The following CNTN4 variants were observed in gnomAD, a reference collection of about 807,000 sequenced individuals.
CNTN4 encodes contactin-4.
A neutral mutation model predicts 122.5 loss-of-function variants in CNTN4; 77 were observed. The observed-to-expected ratio is 0.63, with a 90% CI of 0.52 to 0.76. The LOEUF (loss-of-function observed/expected upper bound fraction) is 0.76, where lower values mean the gene tolerates loss of function less well. Ranked by LOEUF, CNTN4 falls within the 30% of genes least tolerant of loss-of-function variation. CNTN4 has a pLI of 0.00. For synonymous variants in CNTN4, 512 were observed against 447.0 expected (o/e 1.15, Z -1.83); for missense variants, 1,256 against 1,259.1 (o/e 1.00, Z 0.04).
At chr3:2,776,448 G>C in intron 6 of CNTN4, among the ~76,000 whole-genome samples, 1 of 152,070 alleles carries the variant, frequency 6.6e-6, no homozygotes, top group East Asian at 1.9e-4. Context: ...CAGGAATAAG[G>C]AAATAAGGTA....
At chr3:2,438,658 C>A (rs1335691495) in intron 3 of CNTN4, among the ~76,000 whole-genome samples, 1 of 152,198 alleles carries the variant, frequency 6.6e-6, no homozygotes, top group Admixed American at 6.5e-5. Context: ...AAATAACAGG[C>A]AGAAAGTCAT....
intron 3 of CNTN4, among the ~76,000 whole-genome samples, chr3:2,514,387 C>T (rs1201653854): frequency 1.3e-5 from 2 of 151,848 alleles, no homozygotes; most frequent in Admixed American, 6.6e-5. Flanking sequence ...CCTGTAGTCC[C>T]AGCTACCAGG....
chr3:2,918,354 G>A (rs1227550619), intron 12 of CNTN4, among the ~76,000 whole-genome samples: 1 of 152,184 alleles, frequency 6.6e-6, no homozygotes, highest in Non-Finnish European at 1.5e-5. Flanking sequence ...TCCTGGGTCA[G>A]CTGTTGGACA....
chr3:2,940,348 T>C (rs982437021), intron 13 of CNTN4, among the ~76,000 whole-genome samples: 8 of 152,194 alleles, frequency 5.3e-5, no homozygotes, highest in African/African-American at 1.9e-4. Flanking sequence ...ACAAATGATA[T>C]ATATTTGGTG....
chr3:2,736,047 G>A, intron 4 of CNTN4, 168 bp from the exon 5 acceptor site: 2 of 766,714 alleles, frequency 2.6e-6, no homozygotes, highest in South Asian at 1.4e-5. Flanking sequence ...ATCCACAGAA[G>A]ATTAACCTTC....
intron 2 of CNTN4, among the ~76,000 whole-genome samples, chr3:2,118,885 C>T (rs189802241): frequency 3.3e-5 from 5 of 152,298 alleles, no homozygotes; most frequent in South Asian, 2.1e-4. Context: ...TTTTCAGTTG[C>T]ATGTCTTTCA....
intron 3 of CNTN4, among the ~76,000 whole-genome samples, chr3:2,373,123 C>G (rs2045693276): frequency 1.3e-5 from 2 of 152,176 alleles, no homozygotes; most frequent in South Asian, 2.1e-4. Flanking sequence ...GTTCCCAAAA[C>G]TTTTTAAGGT....
intron 4 of CNTN4, among the ~76,000 whole-genome samples, chr3:2,672,381 G>A (rs2084577927): frequency 6.6e-6 from 1 of 152,186 alleles, no homozygotes; most frequent in African/African-American, 2.4e-5. Flanking sequence ...CTAGCAATAA[G>A]GGAGGCTCCA....
intron 10 of CNTN4, among the ~76,000 whole-genome samples, chr3:2,894,734 G>T (rs75378910): frequency 1.3e-5 from 2 of 152,238 alleles, no homozygotes; most frequent in East Asian, 3.9e-4. Flanking sequence ...ATAGAGAAAT[G>T]AATCTGTGTA....
chr3:2,255,918 A>T (rs1447137494), intron 2 of CNTN4, among the ~76,000 whole-genome samples: 1 of 152,202 alleles, frequency 6.6e-6, no homozygotes, highest in African/African-American at 2.4e-5. Flanking sequence ...AAGCTAGCAG[A>T]ATACAAGAAA....
At chr3:2,230,947 C>T (rs949045902) in intron 2 of CNTN4, among the ~76,000 whole-genome samples, 1 of 151,980 alleles carries the variant, frequency 6.6e-6, no homozygotes, top group Non-Finnish European at 1.5e-5. Context: ...ATGATCATGC[C>T]ACTGCACTCC....
At chr3:2,483,301 G>A (rs917597103) in intron 3 of CNTN4, among the ~76,000 whole-genome samples, 4 of 152,142 alleles carry the variant, frequency 2.6e-5, no homozygotes, top group African/African-American at 7.2e-5. Flanking sequence ...TTTGGAATGG[G>A]CGTATTTACC....
intron 6 of CNTN4, among the ~76,000 whole-genome samples, chr3:2,766,619 A>T (rs1008375050): frequency 1.3e-5 from 2 of 152,180 alleles, no homozygotes; most frequent in African/African-American, 4.8e-5. Flanking sequence ...AGGATGAGGG[A>T]TAAAAGGCTA....
intron 2 of CNTN4, among the ~76,000 whole-genome samples, chr3:2,305,957 A>G (rs1183192098): frequency 1.3e-5 from 2 of 152,202 alleles, no homozygotes; most frequent in Non-Finnish European, 2.9e-5. Context: ...TATAGCATGT[A>G]TCAGTACTTC....
At chr3:2,560,499 A>G (rs1408527243) in intron 3 of CNTN4, among the ~76,000 whole-genome samples, 1 of 152,130 alleles carries the variant, frequency 6.6e-6, no homozygotes, top group Non-Finnish European at 1.5e-5. Context: ...AACAACACTT[A>G]TATTATGTTC....
intron 9 of CNTN4, among the ~76,000 whole-genome samples, chr3:2,886,401 A>T (rs1354394278): frequency 7.4e-6 from 1 of 134,310 alleles, no homozygotes; most frequent in African/African-American, 2.7e-5. Context: ...GTCTCAAAAT[A>T]AAAAAAAATA....
intron 6 of CNTN4, among the ~76,000 whole-genome samples, chr3:2,789,547 C>T (rs1440275733): frequency 1.3e-5 from 2 of 152,188 alleles, no homozygotes; most frequent in African/African-American, 4.8e-5. Flanking sequence ...ATTCTTCTGC[C>T]TCAGCCTCCT....
chr3:2,796,252 C>A (rs1443878966), intron 6 of CNTN4, among the ~76,000 whole-genome samples: 1 of 152,024 alleles, frequency 6.6e-6, no homozygotes, highest in African/African-American at 2.4e-5. Flanking sequence ...CATTGCAGTT[C>A]TTACTAAAAT....
intron 4 of CNTN4, among the ~76,000 whole-genome samples, chr3:2,632,909 G>A (rs903228569): frequency 2.0e-5 from 3 of 151,488 alleles, no homozygotes; most frequent in African/African-American, 7.3e-5. Flanking sequence ...TAACTATCTA[G>A]CTTTGCATTT....
Sources: gnomAD v4.1 joint callset for allele counts (sites outside exome capture counted in the v4.1 genomes callset) on GRCh38, gnomAD v4.1.1 for gene constraint, MANE v1.5 for transcripts, NCBI Gene and HGNC (gene_info 2026-07-23, HGNC 2026-07-21) for gene names.